APOO: variants seen among roughly 807,000 people sequenced by gnomAD.
The protein encoded by APOO is apolipoprotein O.
Under a neutral mutation model 23.1 loss-of-function variants are expected in APOO, and 11 were observed. That is an observed-to-expected ratio of 0.48 (90% CI 0.30 to 0.79). APOO has a LOEUF of 0.79. Ranked by LOEUF, APOO falls within the 30% of genes least tolerant of loss-of-function variation. The pLI is 0.07. For synonymous variants in APOO, 59 were observed against 54.8 expected (o/e 1.08, Z -0.34); for missense variants, 160 against 142.7 (o/e 1.12, Z -0.62).
chrX:23,834,772 T>A (rs1311526944), intron 8 of APOO, among the ~76,000 whole-genome samples: 2 of 108,766 alleles, frequency 1.8e-5, no homozygotes, highest in African/African-American at 6.7e-5. Context: ...TCACCCAAGC[T>A]GGAGTGCAGT....
At chrX:23,861,970 T>A (rs1925068965) in intron 5 of APOO, among the ~76,000 whole-genome samples, 1 of 109,298 alleles carries the variant, frequency 9.1e-6, no homozygotes, top group Non-Finnish European at 1.9e-5. Context: ...CACCCGGCTA[T>A]TTTTTGTATT....
At chrX:23,890,485 G>A (rs771616799) in intron 1 of APOO, among the ~76,000 whole-genome samples, 59 of 112,080 alleles carry the variant, frequency 5.3e-4, no homozygotes, top group Non-Finnish European at 9.2e-4. Context: ...CTTATGCCCC[G>A]TTTACTTTCC....
Position 23,903,789 on chromosome X carries a change from G to C in APOO, c.9+3905C>G, listed in dbSNP as rs926315786. 6.3e-5 allele frequency among the ~76,000 whole-genome samples: 7 copies of C among 111,415 alleles called. 1 individual carries two copies. Among genetic ancestry groups the C allele is most frequent in the African/African-American group, 2.3e-4 (7 of 30,660 alleles). On this transcript the variant is annotated intron_variant, in intron 1 of 8. Coordinates refer to ENST00000379226, the MANE Select transcript of APOO (RefSeq NM_024122.5). ...CCAAAACATACCATTCTGTTGAGTC[G>C]TACCATTCTATGGAGAACCACTGGT... is the stretch of plus-strand genomic sequence containing the variant.
chrX:23,903,295 G>A (rs1927209126), intron 1 of APOO, among the ~76,000 whole-genome samples: 1 of 109,945 alleles, frequency 9.1e-6, no homozygotes, highest in Admixed American at 9.7e-5. Flanking sequence ...GCTTGAGCCC[G>A]GGAGGCGGAG....
chrX:23,885,829 G>A (rs754363626), intron 1 of APOO, among the ~76,000 whole-genome samples: 5 of 111,094 alleles, frequency 4.5e-5, no homozygotes, highest in African/African-American at 9.8e-5. Flanking sequence ...CTCCTGCAGC[G>A]GCCTTTTCAG....
At chrX:23,903,105 C>G (rs1194397274) in intron 1 of APOO, among the ~76,000 whole-genome samples, 3 of 111,972 alleles carry the variant, frequency 2.7e-5, no homozygotes, top group Non-Finnish European at 5.6e-5. Context: ...TGCGGCGGCT[C>G]ACGTCTGTAA....
At chrX:23,904,783 G>A (rs1486880240) in intron 1 of APOO, among the ~76,000 whole-genome samples, 1 of 111,350 alleles carries the variant, frequency 9.0e-6, no homozygotes, top group Admixed American at 9.5e-5. Flanking sequence ...TGGGATTACA[G>A]GCGTGAGCCA....
chrX:23,899,772 C>T (rs1927051313), intron 1 of APOO, among the ~76,000 whole-genome samples: 1 of 112,427 alleles, frequency 8.9e-6, no homozygotes, highest in African/African-American at 3.2e-5. Context: ...TTTAAATGTA[C>T]AATACAAACA....
chrX:23,897,281 T>C (rs1282454502), intron 1 of APOO, among the ~76,000 whole-genome samples: 1 of 112,418 alleles, frequency 8.9e-6, no homozygotes, highest in Non-Finnish European at 1.9e-5. Flanking sequence ...TTAGATTTTA[T>C]AAAATTCATG....
chrX:23,896,233 A>C (rs921585785), intron 1 of APOO, among the ~76,000 whole-genome samples: 53 of 108,844 alleles, frequency 4.9e-4, no homozygotes, highest in African/African-American at 1.4e-3. Flanking sequence ...GCGCCACTGC[A>C]CTCCAGCCTG....
chrX:23,846,344 G>A (rs1324020648), intron 7 of APOO, among the ~76,000 whole-genome samples: 1 of 98,464 alleles, frequency 1.0e-5, no homozygotes, highest in East Asian at 3.2e-4. Flanking sequence ...AACTCTAGTC[G>A]GGTGCAGTGG....
At chrX:23,894,500 A>T (rs1377367332) in intron 1 of APOO, among the ~76,000 whole-genome samples, 1 of 112,249 alleles carries the variant, frequency 8.9e-6, no homozygotes, top group African/African-American at 3.2e-5. Context: ...TAAGCCTAAA[A>T]GAAAATCAGT....
intron 7 of APOO, among the ~76,000 whole-genome samples, chrX:23,851,827 T>A (rs1366143866): frequency 1.8e-5 from 2 of 112,490 alleles, no homozygotes; most frequent in Non-Finnish European, 3.8e-5. Context: ...CAGACCTGTT[T>A]GGGATATTTC....
chrX:23,837,117 A>T (rs1326857677), intron 8 of APOO: 1 of 835,443 alleles, frequency 1.2e-6, no homozygotes, highest in African/African-American at 2.2e-5. Context: ...TCCGAACGGT[A>T]GCCAGTTCCT....
At chrX:23,852,430 C>T (rs867336026) in intron 7 of APOO, among the ~76,000 whole-genome samples, 1 of 110,184 alleles carries the variant, frequency 9.1e-6, no homozygotes, top group African/African-American at 3.3e-5. Flanking sequence ...AACCCCATCT[C>T]TACTAAAAAT....
intron 4 of APOO, among the ~76,000 whole-genome samples, chrX:23,869,975 C>A (rs1925534783): frequency 9.2e-6 from 1 of 109,192 alleles, no homozygotes; most frequent in South Asian, 3.9e-4. Flanking sequence ...AGAAAGAAAT[C>A]AAATACATTA....
intron 7 of APOO, among the ~76,000 whole-genome samples, chrX:23,854,689 T>C (rs751281151): frequency 2.9e-5 from 2 of 69,523 alleles, no homozygotes; most frequent in South Asian, 2.7e-3. Context: ...CCCAGCTAAT[T>C]TTTGTATTTT....
At chrX:23,849,396 C>T (rs183195548) in intron 7 of APOO, among the ~76,000 whole-genome samples, 1 of 107,661 alleles carries the variant, frequency 9.3e-6, no homozygotes, top group African/African-American at 3.4e-5. Flanking sequence ...TCAAGTAGCC[C>T]GTGCATCCAG....
At chrX:23,898,996 G>C (rs1175558424) in intron 1 of APOO, among the ~76,000 whole-genome samples, 2 of 112,202 alleles carry the variant, frequency 1.8e-5, no homozygotes, top group African/African-American at 6.5e-5. Flanking sequence ...CTTCTTTTCA[G>C]GAATATCTGA....
Sources: gnomAD v4.1 joint callset for allele counts (sites outside exome capture counted in the v4.1 genomes callset) on GRCh38, gnomAD v4.1.1 for gene constraint, MANE v1.5 for transcripts, NCBI Gene and HGNC (gene_info 2026-07-23, HGNC 2026-07-21) for gene names.